The following LYZL2 variants were observed in gnomAD, a reference collection of about 807,000 sequenced individuals.
The protein encoded by LYZL2 is lysozyme like 2.
LYZL2 carries 13 observed loss-of-function variants against 17.1 expected under a neutral mutation model. That is an observed-to-expected ratio of 0.76 (90% confidence interval 0.49 to 1.21). The LOEUF (loss-of-function observed/expected upper bound fraction) is 1.21, where lower values mean the gene tolerates loss of function less well. Among genes scored for constraint, LYZL2 ranks in the 50% most tolerant of loss-of-function variants. The pLI is 0.00. For missense variants in LYZL2, 166 were observed against 189.2 expected, an observed-to-expected ratio of 0.88 and a Z score of 0.72; for synonymous variants, 63 against 74.4, an observed-to-expected ratio of 0.85 and a Z score of 0.79.
downstream of LYZL2, among the ~76,000 whole-genome samples, chr10:30,611,042 C>T (rs1452782282): frequency 1.3e-5 from 2 of 152,070 alleles, no homozygotes; most frequent in African/African-American, 4.8e-5. Flanking sequence ...AACCCTTCTG[C>T]ATGTGTCCTG....
chr10:30,617,877 G>A (rs1025340438), intron 3 of LYZL2, among the ~76,000 whole-genome samples: 40 of 151,972 alleles, frequency 2.6e-4, no homozygotes, highest in African/African-American at 9.7e-4. Context: ...AAAAGAGGAA[G>A]TCAAATTATC....
chr10:30,612,055 AAAG>A (rs1326700227), intron 4 of LYZL2, 31 bp from the exon 5 acceptor site: 1 of 1,610,364 alleles, frequency 6.2e-7, no homozygotes, highest in African/African-American at 1.3e-5. Flanking sequence ...AGAGCAGCAG[AAAG>A]AAGCGTGACA....
chr10:30,613,628 T>G (rs1298933913), intron 3 of LYZL2, among the ~76,000 whole-genome samples: 3 of 152,168 alleles, frequency 2.0e-5, no homozygotes, highest in African/African-American at 4.8e-5. Flanking sequence ...GTTTGTGTCT[T>G]AAAAAAATTT....
intron 3 of LYZL2, among the ~76,000 whole-genome samples, chr10:30,619,436 A>T (rs1588675727): frequency 6.6e-6 from 1 of 152,242 alleles, no homozygotes; most frequent in African/African-American, 2.4e-5. Flanking sequence ...CCAAATGTCC[A>T]ACAATGATAG....
At chr10:30,626,521 G>GA in intron 2 of LYZL2, among the ~76,000 whole-genome samples, 1 of 152,156 alleles carries the variant, frequency 6.6e-6, no homozygotes, top group Non-Finnish European at 1.5e-5. Flanking sequence ...TCCCCACAAT[G>GA]CCAGCAGAGG....
In LYZL2 at chr10:30,612,903, G is replaced by A. The variant is rs1838467607; in HGVS notation, c.299-3C>T. ...TGTGAGGTCATCAGTGACCAAGGCT[G>A]TAAAAAGAGAGGTCATCAGGGTTAG... On this transcript the variant is annotated splice_polypyrimidine_tract_variant and splice_region_variant and intron_variant, in intron 3 of 4. Transcript: ENST00000647634. 6.2e-7 allele frequency: 1 copy of A among 1,613,170 alleles called. No individual in the cohort carries two copies. Among genetic ancestry groups the A allele is most frequent in the Non-Finnish European group, 8.5e-7 (1 of 1,179,234 alleles).
At chr10:30,622,655 C>T (rs571987232) in intron 3 of LYZL2, among the ~76,000 whole-genome samples, 69 of 152,294 alleles carry the variant, frequency 4.5e-4, no homozygotes, top group African/African-American at 1.4e-3. Context: ...GCCAATCTCC[C>T]GTTTCTGTAA....
At chr10:30,617,887 C>G (rs1404980596) in intron 3 of LYZL2, among the ~76,000 whole-genome samples, 2 of 152,042 alleles carry the variant, frequency 1.3e-5, no homozygotes, top group East Asian at 1.9e-4. Context: ...GTCAAATTAT[C>G]CCTGTTTGCA....
Position 30,612,884 on chromosome 10 carries a change from G to A in LYZL2, c.315C>T (p.Asp105=). Residue 105 remains aspartate, a synonymous_variant, in exon 4 of 5, where the codon GAC becomes GAT. Coordinates refer to ENST00000647634, the MANE Select transcript of LYZL2 (RefSeq NM_183058.3). The part of the protein sequence containing the change: ...HVACSALVTD[D]LTDAIICAKK... ...TGGCACAGATAATCGCATCTGTGAG[G>A]TCATCAGTGACCAAGGCTGTAAAAA... is the stretch of plus-strand genomic sequence containing the variant. The A allele has an allele frequency of 6.2e-7, 1 of 1,613,844 alleles. No individual in the cohort carries two copies.
At chr10:30,608,634 G>A (rs1452643496), downstream of LYZL2, among the ~76,000 whole-genome samples, 5 of 152,182 alleles carry the variant, frequency 3.3e-5, no homozygotes, top group Non-Finnish European at 7.3e-5. Context: ...GCCCCTGGGC[G>A]ATAGTTACCC....
intron 3 of LYZL2, among the ~76,000 whole-genome samples, chr10:30,620,650 G>A (rs1838605579): frequency 6.6e-6 from 1 of 152,064 alleles, no homozygotes; most frequent in Admixed American, 6.6e-5. Flanking sequence ...CACATACTAA[G>A]AAAAAGATCG....
downstream of LYZL2, among the ~76,000 whole-genome samples, chr10:30,609,125 C>A (rs916410581): frequency 3.9e-5 from 6 of 152,204 alleles, no homozygotes; most frequent in Non-Finnish European, 8.8e-5. Context: ...AGGCTTGAGT[C>A]ATTGTGCCTG....
chr10:30,620,134 G>A (rs1454925160), intron 3 of LYZL2, among the ~76,000 whole-genome samples: 1 of 152,158 alleles, frequency 6.6e-6, no homozygotes, highest in Non-Finnish European at 1.5e-5. Context: ...GCAGCGTGAG[G>A]CCACTGCTGT....
intron 3 of LYZL2, among the ~76,000 whole-genome samples, chr10:30,625,720 T>C (rs564824417): frequency 4.6e-5 from 7 of 152,246 alleles, no homozygotes; most frequent in South Asian, 2.1e-4. Flanking sequence ...TAAATTGTAT[T>C]CATCTCATTC....
intron 3 of LYZL2, among the ~76,000 whole-genome samples, chr10:30,615,091 A>G (rs1278064453): frequency 6.6e-6 from 1 of 152,270 alleles, no homozygotes; most frequent in Non-Finnish European, 1.5e-5. Flanking sequence ...TGTATTGGCT[A>G]ATGCCAATAT....
intron 3 of LYZL2, among the ~76,000 whole-genome samples, chr10:30,617,714 A>G (rs532221329): frequency 0.011 from 1,708 of 150,652 alleles, 13 homozygotes; most frequent in Middle Eastern, 0.045. Flanking sequence ...GAAAAAGAAA[A>G]AAAAGAAAAG....
chr10:30,622,828 T>G (rs974814105), intron 3 of LYZL2, among the ~76,000 whole-genome samples: 3 of 152,248 alleles, frequency 2.0e-5, no homozygotes, highest in African/African-American at 7.2e-5. Context: ...CTGACCTATG[T>G]TTTAATCACT....
chr10:30,618,988 C>T (rs1460392020), intron 3 of LYZL2, among the ~76,000 whole-genome samples: 1 of 152,124 alleles, frequency 6.6e-6, no homozygotes, highest in East Asian at 1.9e-4. Context: ...AAGAAAAAAA[C>T]AAACAACCCC....
downstream of LYZL2, among the ~76,000 whole-genome samples, chr10:30,610,366 A>G (rs1208998091): frequency 6.6e-6 from 1 of 152,212 alleles, no homozygotes; most frequent in Non-Finnish European, 1.5e-5. Flanking sequence ...TGCAGCCATA[A>G]AAAAGAATGA....
Sources: gnomAD v4.1 joint callset for allele counts (sites outside exome capture counted in the v4.1 genomes callset) on GRCh38, gnomAD v4.1.1 for gene constraint, MANE v1.5 for transcripts, NCBI Gene and HGNC (gene_info 2026-07-23, HGNC 2026-07-21) for gene names.